Variants in GRM5 observed in about 807,000 individuals in gnomAD.
GRM5 encodes the protein glutamate metabotropic receptor 5.
Under a neutral mutation model 83.1 loss-of-function variants are expected in GRM5, and 19 were observed. The ratio of observed to expected loss-of-function variants is 0.23; its 90% CI spans 0.16 to 0.34. The LOEUF (loss-of-function observed/expected upper bound fraction) is 0.34. GRM5 is among the 10% of genes least tolerant of loss of function. The pLI is 1.00. For synonymous variants in GRM5, 675 were observed against 633.6 expected, an observed-to-expected ratio of 1.07 and a Z score of -0.98; for missense variants, 1,160 against 1,588.3, an observed-to-expected ratio of 0.73 and a Z score of 4.58.
At chr11:88,748,560 C>T (rs10831350) in intron 3 of GRM5, among the ~76,000 whole-genome samples, 9,137 of 152,106 alleles carry the variant, frequency 0.06, 457 homozygotes, top group Admixed American at 0.16. Flanking sequence ...AAGGGTTCAC[C>T]GCAATGCAGT....
At chr11:88,561,929 G>A (rs560116239) in intron 8 of GRM5, among the ~76,000 whole-genome samples, 1 of 152,064 alleles carries the variant, frequency 6.6e-6, no homozygotes, top group Non-Finnish European at 1.5e-5. Context: ...TAGGTGCTCA[G>A]AGAGCTCAAA....
intron 2 of GRM5, among the ~76,000 whole-genome samples, chr11:89,035,238 A>C (rs576445637): frequency 6.6e-6 from 1 of 151,934 alleles, no homozygotes; most frequent in South Asian, 2.1e-4. Flanking sequence ...TTATACTTTA[A>C]GTTCTAGAGT....
intron 3 of GRM5, among the ~76,000 whole-genome samples, chr11:88,751,457 TAATA>T (rs566935951): frequency 8.5e-4 from 129 of 152,190 alleles, no homozygotes; most frequent in Middle Eastern, 3.4e-3. Context: ...ATTGAGGGAG[TAATA>T]AATAGCCTAC....
intron 1 of GRM5, among the ~76,000 whole-genome samples, chr11:89,052,108 A>T (rs1347799789): frequency 1.3e-5 from 2 of 152,212 alleles, no homozygotes; most frequent in Non-Finnish European, 2.9e-5. Context: ...GGGGCAGAAG[A>T]AAATTAATGA....
chr11:88,835,726 G>A (rs1319933051), intron 3 of GRM5, among the ~76,000 whole-genome samples: 2 of 152,132 alleles, frequency 1.3e-5, no homozygotes, highest in Non-Finnish European at 2.9e-5. Context: ...CAAATGAGAG[G>A]TGTAAAAATA....
chr11:88,763,398 T>C (rs1251274485), intron 3 of GRM5, among the ~76,000 whole-genome samples: 1 of 151,804 alleles, frequency 6.6e-6, no homozygotes, highest in Non-Finnish European at 1.5e-5. Context: ...GTAACAATGG[T>C]TTACAATGCC....
intron 4 of GRM5, among the ~76,000 whole-genome samples, chr11:88,649,109 AAT>A (rs975675674): frequency 4.9e-5 from 7 of 143,818 alleles, no homozygotes; most frequent in African/African-American, 1.3e-4. Context: ...ATATATATTA[AAT>A]ATATATGTAA....
At chr11:88,685,413 T>C (rs1184784061) in intron 3 of GRM5, among the ~76,000 whole-genome samples, 2 of 152,122 alleles carry the variant, frequency 1.3e-5, no homozygotes, top group African/African-American at 2.4e-5. Flanking sequence ...AAGCAGAGTG[T>C]AAAGGTTCAG....
At chr11:88,586,758 T>G (rs895686104) in intron 7 of GRM5, among the ~76,000 whole-genome samples, 4 of 152,172 alleles carry the variant, frequency 2.6e-5, no homozygotes, top group African/African-American at 2.4e-5. Context: ...TCACATAATA[T>G]CAATGCAAAG....
At chr11:88,909,033 T>G (rs574957997) in intron 2 of GRM5, among the ~76,000 whole-genome samples, 65 of 152,138 alleles carry the variant, frequency 4.3e-4, no homozygotes, top group Non-Finnish European at 8.4e-4. Context: ...AGTCCTTTCT[T>G]GGAGACGTTG....
At chr11:88,760,826 A>C (rs78960502) in intron 3 of GRM5, among the ~76,000 whole-genome samples, 4 of 152,098 alleles carry the variant, frequency 2.6e-5, no homozygotes, top group Admixed American at 6.6e-5. Flanking sequence ...CTAGCAAACC[A>C]AATCCAGCAG....
At chr11:89,020,696 G>A (rs909092787) in intron 2 of GRM5, among the ~76,000 whole-genome samples, 7 of 152,132 alleles carry the variant, frequency 4.6e-5, no homozygotes, top group African/African-American at 1.7e-4. Context: ...ATGAATTAAT[G>A]ATCCATTATC....
intron 3 of GRM5, among the ~76,000 whole-genome samples, chr11:88,723,454 T>TGTTC (rs1480408123): frequency 3.9e-5 from 6 of 152,144 alleles, no homozygotes; most frequent in African/African-American, 1.4e-4. Context: ...GGAAACTGTT[T>TGTTC]GTTCGTTTGT....
chr11:88,631,824 A>T (rs1312175402), intron 4 of GRM5, among the ~76,000 whole-genome samples: 1 of 152,206 alleles, frequency 6.6e-6, no homozygotes, highest in Non-Finnish European at 1.5e-5. Flanking sequence ...GGTTACAGAC[A>T]TCAAAATCAC....
intron 8 of GRM5, among the ~76,000 whole-genome samples, chr11:88,548,038 T>A (rs2131068): frequency 0.014 from 2,105 of 152,280 alleles, 75 homozygotes; most frequent in Admixed American, 0.07. Context: ...CAAAAATGTG[T>A]GTCCAGGTGA....
intron 4 of GRM5, among the ~76,000 whole-genome samples, chr11:88,632,116 C>T (rs952873643): frequency 3.3e-5 from 5 of 152,086 alleles, no homozygotes; most frequent in African/African-American, 4.8e-5. Context: ...ACCTCCACGA[C>T]GTTCCTCCCG....
chr11:88,611,446 G>T (rs1285380763), intron 4 of GRM5, among the ~76,000 whole-genome samples: 2 of 152,098 alleles, frequency 1.3e-5, no homozygotes, highest in African/African-American at 4.8e-5. Context: ...AATTTTGAGA[G>T]GCTGGGTGTT....
At chr11:88,764,131 T>A (rs1363853191) in intron 3 of GRM5, among the ~76,000 whole-genome samples, 1 of 151,702 alleles carries the variant, frequency 6.6e-6, no homozygotes, top group East Asian at 1.9e-4. Context: ...AAGAAGGGCA[T>A]CACATATTGA....
At chr11:88,596,658 T>G (rs879486887) in intron 6 of GRM5, among the ~76,000 whole-genome samples, 8 of 152,102 alleles carry the variant, frequency 5.3e-5, no homozygotes, top group Non-Finnish European at 1.2e-4. Flanking sequence ...GTTTGACATT[T>G]TATTCAGTAG....
Sources: allele counts gnomAD v4.1 joint callset (sites outside exome capture counted in the v4.1 genomes callset), GRCh38; gene constraint gnomAD v4.1.1; transcripts MANE v1.5; gene names NCBI Gene and HGNC (gene_info 2026-07-23, HGNC 2026-07-21).